The following PRKG1 variants were observed in gnomAD, a reference collection of about 807,000 sequenced individuals.
The protein encoded by PRKG1 is cGMP-dependent protein kinase 1.
A neutral mutation model predicts 88.1 loss-of-function variants in PRKG1; 35 were observed. The ratio of observed to expected loss-of-function variants is 0.40; its 90% confidence interval spans 0.30 to 0.53. PRKG1 has a LOEUF of 0.53. PRKG1 is among the 20% of genes least tolerant of loss of function. The pLI is 0.59. For missense variants in PRKG1, 540 were observed against 839.8 expected, an observed-to-expected ratio of 0.64 and a Z score of 4.41; for synonymous variants, 303 against 292.5, an observed-to-expected ratio of 1.04 and a Z score of -0.37.
intron 3 of PRKG1, among the ~76,000 whole-genome samples, chr10:51,556,671 G>A (rs554000426): frequency 3.2e-4 from 49 of 152,006 alleles, no homozygotes; most frequent in Non-Finnish European, 6.3e-4. Context: ...GCTAAACATC[G>A]AATACACATA....
intron 2 of PRKG1, among the ~76,000 whole-genome samples, chr10:51,313,193 A>G (rs1841235533): frequency 6.6e-6 from 1 of 152,006 alleles, no homozygotes; most frequent in South Asian, 2.1e-4. Context: ...TCTTGGGCAA[A>G]GTCTAAACCT....
intron 2 of PRKG1, among the ~76,000 whole-genome samples, chr10:51,241,798 A>C (rs1839159548): frequency 6.6e-6 from 1 of 152,126 alleles, no homozygotes; most frequent in African/African-American, 2.4e-5. Flanking sequence ...TGCTGTCCTT[A>C]AACCTGAGAG....
At chr10:51,198,802 A>T (rs970859990) in intron 2 of PRKG1, among the ~76,000 whole-genome samples, 3 of 152,228 alleles carry the variant, frequency 2.0e-5, no homozygotes, top group Non-Finnish European at 4.4e-5. Flanking sequence ...TAACAGTTAC[A>T]GTTTCATTTA....
At chr10:51,021,490 C>T (rs1843136371) in intron 1 of PRKG1, among the ~76,000 whole-genome samples, 1 of 152,166 alleles carries the variant, frequency 6.6e-6, no homozygotes, top group Non-Finnish European at 1.5e-5. Flanking sequence ...ATTATATCAT[C>T]AGTTAATAAT....
chr10:51,357,726 T>C (rs1050617071), intron 2 of PRKG1, among the ~76,000 whole-genome samples: 1 of 151,982 alleles, frequency 6.6e-6, no homozygotes, highest in African/African-American at 2.4e-5. Flanking sequence ...AAAAAAAATT[T>C]CTATATAATT....
intron 2 of PRKG1, among the ~76,000 whole-genome samples, chr10:51,402,704 T>C (rs1411564082): frequency 6.6e-6 from 1 of 152,186 alleles, no homozygotes; most frequent in Non-Finnish European, 1.5e-5. Context: ...CTGGAAACTC[T>C]GGCCTAGAAA....
intron 4 of PRKG1, among the ~76,000 whole-genome samples, chr10:51,870,800 G>A (rs1300006322): frequency 6.6e-6 from 1 of 151,874 alleles, no homozygotes; most frequent in East Asian, 1.9e-4. Context: ...GATTTCTGTG[G>A]TATAAATATC....
intron 1 of PRKG1, among the ~76,000 whole-genome samples, chr10:51,114,073 A>G (rs948953690): frequency 2.6e-5 from 4 of 151,940 alleles, no homozygotes; most frequent in Non-Finnish European, 5.9e-5. Flanking sequence ...ACAAACTAGC[A>G]TTTAACATCT....
At chr10:51,111,243 TTTAAA>T (rs1249604995) in intron 1 of PRKG1, among the ~76,000 whole-genome samples, 2 of 152,160 alleles carry the variant, frequency 1.3e-5, no homozygotes, top group East Asian at 1.9e-4. Flanking sequence ...TTGTTGATTT[TTTAAA>T]TTAAATTAAA....
intron 2 of PRKG1, among the ~76,000 whole-genome samples, chr10:51,382,960 C>G (rs1837148415): frequency 6.6e-6 from 1 of 152,116 alleles, no homozygotes; most frequent in Admixed American, 6.5e-5. Flanking sequence ...CATATGCCCA[C>G]ACCTAGACCA....
chr10:52,151,742 A>C (rs1837933530), intron 8 of PRKG1, among the ~76,000 whole-genome samples: 1 of 152,216 alleles, frequency 6.6e-6, no homozygotes, highest in Non-Finnish European at 1.5e-5. Flanking sequence ...TAGACTGGGC[A>C]CATTAGGGCA....
intron 3 of PRKG1, among the ~76,000 whole-genome samples, chr10:51,632,955 A>G (rs1055599821): frequency 2.6e-5 from 4 of 152,182 alleles, no homozygotes; most frequent in Non-Finnish European, 5.9e-5. Context: ...CCTCTATAAA[A>G]TTCCTATTTT....
intron 5 of PRKG1, among the ~76,000 whole-genome samples, chr10:51,913,657 C>T (rs771339173): frequency 4.6e-5 from 7 of 152,090 alleles, no homozygotes; most frequent in Non-Finnish European, 8.8e-5. Flanking sequence ...TCAATATTTT[C>T]CTAGGCTGTG....
At chr10:52,014,042 G>A (rs1844969736) in intron 5 of PRKG1, among the ~76,000 whole-genome samples, 1 of 152,072 alleles carries the variant, frequency 6.6e-6, no homozygotes, top group Non-Finnish European at 1.5e-5. Flanking sequence ...AGAATACTCT[G>A]AAATAATGCA....
intron 3 of PRKG1, among the ~76,000 whole-genome samples, chr10:51,774,935 T>A (rs1431065858): frequency 6.6e-6 from 1 of 152,156 alleles, no homozygotes; most frequent in Non-Finnish European, 1.5e-5. Flanking sequence ...AGGAATATTG[T>A]TAGTAACCAA....
intron 2 of PRKG1, among the ~76,000 whole-genome samples, chr10:51,382,314 A>G (rs1253897229): frequency 1.3e-5 from 2 of 152,222 alleles, no homozygotes; most frequent in African/African-American, 4.8e-5. Flanking sequence ...CTTTCAAAGT[A>G]GTATCTATGA....
intron 9 of PRKG1, among the ~76,000 whole-genome samples, chr10:52,218,110 G>T (rs1840156199): frequency 6.6e-6 from 1 of 151,290 alleles, no homozygotes; most frequent in Non-Finnish European, 1.5e-5. Context: ...TACTCAGGAG[G>T]CTGAGGCAGG....
chr10:51,828,876 C>T (rs1839939205), intron 4 of PRKG1, among the ~76,000 whole-genome samples: 1 of 152,210 alleles, frequency 6.6e-6, no homozygotes, highest in African/African-American at 2.4e-5. Flanking sequence ...ATAATATCCA[C>T]ATCAAATCTG....
intron 3 of PRKG1, among the ~76,000 whole-genome samples, chr10:51,476,489 A>T (rs570138702): frequency 3.2e-4 from 48 of 152,108 alleles, no homozygotes; most frequent in African/African-American, 1.1e-3. Flanking sequence ...TACCCTCATA[A>T]TTCCTTCCAC....
Sources: allele counts gnomAD v4.1 joint callset (sites outside exome capture counted in the v4.1 genomes callset), GRCh38; gene constraint gnomAD v4.1.1; transcripts MANE v1.5; gene names NCBI Gene and HGNC (gene_info 2026-07-23, HGNC 2026-07-21).